Variants in HDGFL3 observed in about 807,000 individuals in gnomAD.
The protein encoded by HDGFL3 is HDGF like 3, also known as hepatoma-derived growth factor-related protein 3.
HDGFL3 carries 6 observed loss-of-function variants against 27.6 expected under a neutral mutation model. The observed-to-expected ratio is 0.22, with a 90% CI of 0.12 to 0.43. HDGFL3 has a LOEUF of 0.43. HDGFL3 is among the 20% of genes least tolerant of loss of function. The probability of loss-of-function intolerance (pLI) is 1.00; values close to 1 mark genes in which losing one functional copy is unlikely to be tolerated. For synonymous variants in HDGFL3, 88 were observed against 88.9 expected (o/e 0.99, Z 0.05); for missense variants, 207 against 250.1 (o/e 0.83, Z 1.16).
At chr15:83,154,906 T>C (rs1006883021) in intron 4 of HDGFL3, among the ~76,000 whole-genome samples, 1 of 152,212 alleles carries the variant, frequency 6.6e-6, no homozygotes, top group African/African-American at 2.4e-5. Flanking sequence ...TCTCACTCTG[T>C]TTCCCAGGCT....
chr15:83,191,934 CCTT>C (rs1466568753), intron 1 of HDGFL3, among the ~76,000 whole-genome samples: 220 of 144,210 alleles, frequency 1.5e-3, no homozygotes, highest in African/African-American at 5.5e-3. Context: ...ACTTATCTCT[CCTT>C]TTTTTTTTTT....
rs1472233940 is a variant in HDGFL3, at chr15:83,137,496, G to T, written c.*1774C>A. On this transcript the variant is annotated 3_prime_UTR_variant, in exon 6 of 6. Coordinates refer to ENST00000299633, the MANE Select transcript of HDGFL3 (RefSeq NM_016073.4). ...ATGTTTCAGTGTGAGCAATGAAGAG[G>T]TCTTTTGATGAATTAAATTTCATTA... The T allele has an allele frequency of 6.6e-6, 1 of 152,054 alleles. No individual in the cohort carries two copies. The highest frequency in any genetic ancestry group is 1.5e-5 in the Non-Finnish European group (1 of 67,978). 9.4% of individuals were successfully genotyped at this position (152,054 alleles called of 1,614,324 possible).
At chr15:83,124,904 A>C (rs1029680270), downstream of HDGFL3, 3 of 800,954 alleles carry the variant, frequency 3.7e-6, no homozygotes, top group Non-Finnish European at 4.0e-6. Context: ...CATTCCTCCC[A>C]TCAAAGCCTG....
chr15:83,164,956 G>A (rs988575205), intron 1 of HDGFL3, among the ~76,000 whole-genome samples: 5 of 152,138 alleles, frequency 3.3e-5, no homozygotes, highest in Non-Finnish European at 5.9e-5. Flanking sequence ...CTTCTCTGAT[G>A]GTTGAACTTC....
rs781730104 is a variant in HDGFL3 at position 83,151,342 on chromosome 15, C to T, written c.479G>A (p.Arg160Gln). 13 of 1,612,424 alleles carry T rather than the reference C, an allele frequency of 8.1e-6. No homozygotes were observed. The highest frequency in any genetic ancestry group is 2.2e-5 in the East Asian group (1 of 44,856). The change falls in exon 5 of 6, where the codon CGG becomes CAG. Residue 160 changes from arginine (R) to glutamine (Q), a missense_variant. Arg to Gln is a conservative substitution (Grantham distance 43, BLOSUM62 1). Coordinates refer to ENST00000299633, the MANE Select transcript of HDGFL3 (RefSeq NM_016073.4). ...GTCATCTTCATCTCCTGGAGATTTC[C>T]GGGACTGTTTAGAGGATTTCTAAAT... ...YTSKKSSKQS[R>Q]KSPGDEDDKD...
At chr15:83,164,648 A>G (rs1448539561) in intron 1 of HDGFL3, among the ~76,000 whole-genome samples, 1 of 152,198 alleles carries the variant, frequency 6.6e-6, no homozygotes, top group Non-Finnish European at 1.5e-5. Context: ...CATTGCTTAC[A>G]GCATTCCTAG....
chr15:83,180,452 G>GA lies in HDGFL3; in HGVS notation c.85-16378dup, dbSNP rs1364493091. ...TGAGGTGTGGTAAATTAGAAAAGGG[G>GA]AAAAAACCCTAACATGTGATGTTGT... On this transcript the variant is annotated intron_variant, in intron 1 of 5. Transcript: ENST00000299633. Among the ~76,000 whole-genome samples, 3 of 151,984 alleles carry GA rather than the reference G, an allele frequency of 2.0e-5. No individual in the cohort carries two copies. The East Asian group carries it at 5.8e-4, about 29-fold the overall frequency.
chr15:83,127,527 T>C, downstream of HDGFL3: 2 of 1,602,966 alleles, frequency 1.2e-6, no homozygotes, highest in Admixed American at 1.7e-5. Flanking sequence ...TAGGTGTCAA[T>C]TGTTGAATAT....
intron 1 of HDGFL3, among the ~76,000 whole-genome samples, chr15:83,203,813 C>G (rs188086963): frequency 3.9e-4 from 58 of 150,234 alleles, no homozygotes; most frequent in Admixed American, 1.5e-3. Flanking sequence ...TTATTTTATG[C>G]TGTATATAGT....
intron 1 of HDGFL3, among the ~76,000 whole-genome samples, chr15:83,200,856 C>CTTTTTTTTT (rs200038603): frequency 3.3e-5 from 4 of 120,178 alleles, no homozygotes; most frequent in African/African-American, 6.1e-5. Flanking sequence ...TTACTTTATT[C>CTTTTTTTTT]TTTTTTTTTT....
rs2036598667 is a variant in HDGFL3 at position 83,136,234 on chromosome 15, C to G, written c.*3036G>C. 1 of 338,848 alleles carries G rather than the reference C, an allele frequency of 3.0e-6. No homozygotes were observed. The highest frequency in any genetic ancestry group is 5.3e-6 in the Non-Finnish European group (1 of 188,818). The allele number at this position is 338,848 out of a possible 1,614,324, so 21.0% of individuals were successfully genotyped here. A position where few individuals can be genotyped will look rare whatever the true frequency, so the allele number is the denominator to read the frequency against. On this transcript the variant is annotated 3_prime_UTR_variant, in exon 6 of 6. Transcript: ENST00000299633. Reference sequence around the variant, plus strand: ...AAAAAACACAACTGGCATGATAAAACTACACTAAATAATATCTACTTTATT... The same window carrying G: ...AAAAAACACAACTGGCATGATAAAAGTACACTAAATAATATCTACTTTATT...
At position 83,176,327 on chromosome 15, in the gene HDGFL3, G is replaced by A. The variant is rs144063135; in HGVS notation, c.85-12252C>T. ...TGTTTTTAATTGGTTTATAGATGTCGGTAAGACTTAAGAAATCTAACATAA... is the reference window on the plus strand; with the variant it reads ...TGTTTTTAATTGGTTTATAGATGTCAGTAAGACTTAAGAAATCTAACATAA... On this transcript the variant is annotated intron_variant, in intron 1 of 5. Transcript: ENST00000299633. 5.3e-5 allele frequency among the ~76,000 whole-genome samples: 8 copies of A among 152,118 alleles called. No individual in the cohort carries two copies. In the East Asian group the frequency reaches 7.7e-4, roughly 15 times the overall value.
intron 1 of HDGFL3, among the ~76,000 whole-genome samples, chr15:83,191,760 T>C (rs976896472): frequency 2.0e-5 from 3 of 152,092 alleles, no homozygotes; most frequent in Admixed American, 1.3e-4. Context: ...CTTCTGCTTG[T>C]TATCTTTGGA....
intron 1 of HDGFL3, among the ~76,000 whole-genome samples, chr15:83,173,474 G>A (rs184082364): frequency 1.3e-5 from 2 of 152,230 alleles, no homozygotes; most frequent in African/African-American, 4.8e-5. Flanking sequence ...GGGTTTATCC[G>A]GACATAATCC....
At chr15:83,170,139 G>C (rs1471128470) in intron 1 of HDGFL3, among the ~76,000 whole-genome samples, 1 of 152,076 alleles carries the variant, frequency 6.6e-6, no homozygotes, top group Admixed American at 6.6e-5. Context: ...CAAATGTCCA[G>C]ACTACCCAAA....
In HDGFL3 at chr15:83,134,201, C is replaced by T. The variant is rs1021908334; in HGVS notation, c.*5069G>A. 2 of 151,848 alleles carry T rather than the reference C, an allele frequency of 1.3e-5. No individual in the cohort carries two copies. Among genetic ancestry groups the T allele is most frequent in the African/African-American group, 4.8e-5 (2 of 41,330 alleles). 9.4% of individuals were successfully genotyped at this position (151,848 alleles called of 1,614,324 possible). A position where few individuals can be genotyped will look rare whatever the true frequency, so the allele number is the denominator to read the frequency against. On this transcript the variant is annotated 3_prime_UTR_variant, in exon 6 of 6. Coordinates refer to ENST00000299633, the MANE Select transcript of HDGFL3 (RefSeq NM_016073.4). The stretch of plus-strand genomic sequence containing the variant: ...ACACAGTACCTGCCCAGTGGGCTTA[C>T]AATCTAATCTAAGGACATGAATCTT...
chr15:83,159,583 G>C (rs913614630), intron 2 of HDGFL3, among the ~76,000 whole-genome samples: 1 of 152,064 alleles, frequency 6.6e-6, no homozygotes, highest in Non-Finnish European at 1.5e-5. Context: ...GAGAAGGATG[G>C]GAAGAATAGG....
At chr15:83,124,500 T>C (rs2151370457), downstream of HDGFL3, among the ~76,000 whole-genome samples, 1 of 152,208 alleles carries the variant, frequency 6.6e-6, no homozygotes, top group East Asian at 1.9e-4. Flanking sequence ...GATAAGGAAA[T>C]TGAGACTTGA....
intron 1 of HDGFL3, among the ~76,000 whole-genome samples, chr15:83,164,293 G>A (rs1239779847): frequency 7.3e-6 from 1 of 137,146 alleles, no homozygotes; most frequent in Non-Finnish European, 1.5e-5. Context: ...ATAAGCAGGA[G>A]CCAAAACTAC....
Sources: gnomAD v4.1 joint callset for allele counts (sites outside exome capture counted in the v4.1 genomes callset) on GRCh38, gnomAD v4.1.1 for gene constraint, MANE v1.5 for transcripts, NCBI Gene and HGNC (gene_info 2026-07-23, HGNC 2026-07-21) for gene names.